Variants in CDH1 observed in about 807,000 individuals in gnomAD.
CDH1 encodes the protein cadherin-1.
CDH1 carries 35 observed loss-of-function variants against 84.5 expected under a neutral mutation model. That is an observed-to-expected ratio of 0.41 (90% confidence interval 0.32 to 0.55). The LOEUF is 0.55. Among genes scored for constraint, CDH1 ranks in the 20% least tolerant of loss-of-function variants. The pLI, the probability that CDH1 is intolerant of heterozygous loss-of-function variation, is 0.19. For missense variants in CDH1, 994 were observed against 1,126.6 expected (o/e 0.88, Z 1.68); for synonymous variants, 417 against 439.0 (o/e 0.95, Z 0.63).
rs142649208 is a variant in CDH1, at chr16:68,828,176, C to T, written c.2167C>T (p.Leu723=). The T allele has an allele frequency of 3.7e-6, 6 of 1,613,860 alleles. No homozygotes were observed. The African/African-American group carries it at 8.0e-5, about 22-fold the overall frequency. The change falls in exon 14 of 16, where the codon CTG becomes TTG. Residue 723 remains leucine (L), a splice_region_variant and synonymous_variant. Coordinates refer to ENST00000261769, the MANE Select transcript of CDH1 (RefSeq NM_004360.5). ...ILGGILALLI[L]ILLLLLFLRR... is the part of the protein sequence containing the mutation. Reference sequence around the variant, plus strand: ...CTCTGTCTCCCCCACCATCCCAGTTCTGATTCTGCTGCTCTTGCTGTTTCT... The same window carrying T: ...CTCTGTCTCCCCCACCATCCCAGTTTTGATTCTGCTGCTCTTGCTGTTTCT...
intron 2 of CDH1, among the ~76,000 whole-genome samples, chr16:68,791,764 G>A (rs1002381313): frequency 6.6e-6 from 1 of 152,010 alleles, no homozygotes; most frequent in Non-Finnish European, 1.5e-5. Flanking sequence ...TGAAATGAAA[G>A]CCCCATGAGG....
intron 2 of CDH1, among the ~76,000 whole-genome samples, chr16:68,791,931 A>AT (rs912421777): frequency 6.6e-6 from 1 of 150,860 alleles, no homozygotes; most frequent in East Asian, 2.0e-4. Context: ...TTGTTTGTTT[A>AT]TTTTTTTGAG....
At chr16:68,761,906 T>A (rs1329031697) in intron 2 of CDH1, among the ~76,000 whole-genome samples, 1 of 152,118 alleles carries the variant, frequency 6.6e-6, no homozygotes, top group Non-Finnish European at 1.5e-5. Context: ...CTTGTACCCA[T>A]CACCAGGACT....
chr16:68,765,619 G>A (rs553980919), intron 2 of CDH1: 1 of 151,884 alleles, frequency 6.6e-6, no homozygotes, highest in South Asian at 2.1e-4. Context: ...AATTGTAGGG[G>A]CAATTAATCA....
chr16:68,822,206 C>T lies in CDH1; in HGVS notation c.1917C>T (p.Thr639=), dbSNP rs1057522719. The T allele has an allele frequency of 1.2e-6, 2 of 1,614,012 alleles. No homozygotes were observed. Among genetic ancestry groups the T allele is most frequent in the Non-Finnish European group, 1.7e-6 (2 of 1,179,914 alleles). ...CACACGGGGCGAGTGCCAACTGGAC[C>T]ATTCAGTACAACGACCCAAGTGGGT... ...ELTHGASANW[T]IQYNDPTQES... The change falls in exon 12 of 16, where the codon ACC becomes ACT. Residue 639 remains threonine (T), a synonymous_variant. Coordinates refer to ENST00000261769, the MANE Select transcript of CDH1 (RefSeq NM_004360.5).
chr16:68,738,295 A>G lies in CDH1; in HGVS notation c.49-2A>G, dbSNP rs1060501226. ...GTTCCATCTACCTTTCCCCCACCCC[A>G]GGTCTCCTCTTGGCTCTGCCAGGAG... On this transcript the variant is annotated splice_acceptor_variant, in intron 1 of 15. Transcript: ENST00000261769. LOFTEE classifies it high-confidence loss of function. The G allele has an allele frequency of 6.5e-7, 1 of 1,542,384 alleles. No individual in the cohort carries two copies.
At chr16:68,739,868 A>G (rs1233290437) in intron 2 of CDH1, among the ~76,000 whole-genome samples, 2 of 151,092 alleles carry the variant, frequency 1.3e-5, no homozygotes, top group African/African-American at 4.9e-5. Flanking sequence ...ACCTGCCTCA[A>G]TCTCCCAAAG....
intron 5 of CDH1, chr16:68,809,099 C>T (rs1310839599): frequency 5.7e-6 from 3 of 529,822 alleles, no homozygotes; most frequent in Non-Finnish European, 1.0e-5. Context: ...AAATTTAGAC[C>T]CAAGATGTCA....
At position 68,819,348 on chromosome 16, in the gene CDH1, G is replaced by T. The variant is rs587780115; in HGVS notation, c.1634G>T (p.Arg545Leu). The stretch of plus-strand genomic sequence containing the variant: ...CCGGACACTGGTGCCATTTCCACTC[G>T]GGCTGAGCTGGACAGGGAGGATTTT... ...INPDTGAIST[R>L]AELDREDFEH... The change falls in exon 11 of 16, where the codon CGG (arginine) becomes CTG (leucine). Residue 545 changes from arginine (R) to leucine (L), a missense_variant. Around this residue, in one of 3 missense-constraint regions of CDH1, gnomAD observed 769 missense variants for 881.8 expected, o/e 0.87. Coordinates refer to ENST00000261769, the MANE Select transcript of CDH1 (RefSeq NM_004360.5). 1.9e-6 allele frequency: 3 copies of T among 1,613,920 alleles called. No homozygotes were observed. Among genetic ancestry groups the T allele is most frequent in the East Asian group, 2.2e-5 (1 of 44,888 alleles).
Position 68,811,878 on chromosome 16 carries a change from C to G in CDH1, c.1008+19C>G. On this transcript the variant is annotated intron_variant, in intron 7 of 15. Coordinates refer to ENST00000261769, the MANE Select transcript of CDH1 (RefSeq NM_004360.5). ...CCGAGAGGTCAGGGGTCAGGAGGAT[C>G]CAGAGGGTGTGGAGGACAAATGTGT... The G allele has an allele frequency of 6.2e-7, 1 of 1,613,328 alleles. No homozygotes were observed. Among genetic ancestry groups the G allele is most frequent in the Non-Finnish European group, 8.5e-7 (1 of 1,179,502 alleles).
At chr16:68,804,168 C>T (rs369238242) in intron 3 of CDH1, among the ~76,000 whole-genome samples, 1 of 118,684 alleles carries the variant, frequency 8.4e-6, no homozygotes, top group Non-Finnish European at 1.6e-5. Context: ...GGCTGGAGTG[C>T]AGTGGCGCGA....
Position 68,749,330 on chromosome 16 carries a change from G to A in CDH1, c.163+10919G>A, listed in dbSNP as rs556692926. Among the ~76,000 whole-genome samples the A allele has an allele frequency of 1.1e-3, 167 of 152,282 alleles. 1 individual carries two copies. Among genetic ancestry groups the A allele is most frequent in the African/African-American group, 3.8e-3 (156 of 41,560 alleles). Reference sequence around the variant, plus strand: ...TTGAGTGTCTGAAGGACACAGAGGTGGAGTTTTCAAAGGGGTATTTGGGAA... The same window carrying A: ...TTGAGTGTCTGAAGGACACAGAGGTAGAGTTTTCAAAGGGGTATTTGGGAA... On this transcript the variant is annotated intron_variant, in intron 2 of 15. Transcript: ENST00000261769.
Position 68,833,601 on chromosome 16 carries a change from GA to G in CDH1, c.*110del, listed in dbSNP as rs553402231. 44 of 855,156 alleles carry G rather than the reference GA, an allele frequency of 5.1e-5. No homozygotes were observed. The highest frequency in any genetic ancestry group is 7.0e-5 in the Non-Finnish European group (36 of 511,688). 53.0% of individuals were successfully genotyped at this position (855,156 alleles called of 1,614,324 possible). On this transcript the variant is annotated 3_prime_UTR_variant, in exon 16 of 16. Transcript: ENST00000261769. ...CCTTCCCTTGAGATGAGTTTCTGGG[GA>G]AAAAAAAGAGACTGGTTAGTGATGC...
intron 2 of CDH1, among the ~76,000 whole-genome samples, chr16:68,774,539 A>G (rs561321849): frequency 1.4e-4 from 22 of 152,226 alleles, no homozygotes; most frequent in African/African-American, 5.3e-4. Context: ...AATAAGTTTG[A>G]TGATGACCAG....
chr16:68,815,157 G>A (rs2152134428), intron 9 of CDH1, among the ~76,000 whole-genome samples: 1 of 152,210 alleles, frequency 6.6e-6, no homozygotes, highest in South Asian at 2.1e-4. Context: ...AACCCAGGAG[G>A]TGGAGGTTGC....
intron 6 of CDH1, among the ~76,000 whole-genome samples, chr16:68,810,968 G>A (rs1000237293): frequency 6.6e-6 from 1 of 152,044 alleles, no homozygotes; most frequent in Admixed American, 6.6e-5. Flanking sequence ...AGCCCCACAA[G>A]CTGCTAAGAT....
chr16:68,786,516 C>G, intron 2 of CDH1, among the ~76,000 whole-genome samples: 1 of 79,120 alleles, frequency 1.3e-5, no homozygotes, highest in Non-Finnish European at 2.7e-5. Context: ...GATCTTTCTG[C>G]TTTCTTTTTT....
At chr16:68,808,960 C>A in intron 5 of CDH1, 112 bp downstream of exon 5, 1 of 905,508 alleles carries the variant, frequency 1.1e-6, no homozygotes, top group Non-Finnish European at 1.8e-6. Flanking sequence ...AGGAGCTTAA[C>A]TTGACACCTC....
intron 11 of CDH1, among the ~76,000 whole-genome samples, chr16:68,820,628 G>A (rs1961116428): frequency 6.6e-6 from 1 of 152,208 alleles, no homozygotes; most frequent in Admixed American, 6.5e-5. Context: ...GGGATTACAG[G>A]TGTGAGCCAC....
Sources: allele counts gnomAD v4.1 joint callset (sites outside exome capture counted in the v4.1 genomes callset), GRCh38; gene constraint gnomAD v4.1.1; regional missense constraint gnomAD v4.1.1; transcripts MANE v1.5; gene names NCBI Gene and HGNC (gene_info 2026-07-23, HGNC 2026-07-21).